FARS2: variants seen among roughly 807,000 people sequenced by gnomAD.
FARS2 encodes phenylalanine--tRNA ligase, mitochondrial.
A neutral mutation model predicts 46.4 loss-of-function variants in FARS2; 40 were observed. The ratio of observed to expected loss-of-function variants is 0.86; its 90% CI spans 0.67 to 1.12. The LOEUF (loss-of-function observed/expected upper bound fraction) is 1.12. Ranked by LOEUF, FARS2 falls within the 50% of genes most tolerant of loss-of-function variation. The probability of loss-of-function intolerance (pLI) is 0.00; values close to 1 mark genes in which losing one functional copy is unlikely to be tolerated. For missense variants in FARS2, 513 were observed against 567.9 expected (o/e 0.90, Z 0.98); for synonymous variants, 234 against 214.9 (o/e 1.09, Z -0.78).
chr6:5,423,591 C>T (rs926912271), intron 3 of FARS2, among the ~76,000 whole-genome samples: 2 of 152,044 alleles, frequency 1.3e-5, no homozygotes, highest in Non-Finnish European at 2.9e-5. Flanking sequence ...TTGTGTTTGT[C>T]TTAGCAGGAG....
chr6:5,589,316 C>A (rs1279056602), intron 5 of FARS2, among the ~76,000 whole-genome samples: 1 of 152,196 alleles, frequency 6.6e-6, no homozygotes, highest in African/African-American at 2.4e-5. Flanking sequence ...TAACAGAAAG[C>A]CCCAAGACAG....
intron 6 of FARS2, among the ~76,000 whole-genome samples, chr6:5,623,188 C>T (rs1311296368): frequency 6.6e-6 from 1 of 151,896 alleles, no homozygotes; most frequent in Non-Finnish European, 1.5e-5. Flanking sequence ...AGACAGTTTC[C>T]AAAAAACGAG....
At chr6:5,692,842 A>T (rs575479322) in intron 6 of FARS2, among the ~76,000 whole-genome samples, 1 of 152,320 alleles carries the variant, frequency 6.6e-6, no homozygotes, top group Non-Finnish European at 1.5e-5. Context: ...GGTGTCAGAA[A>T]GGCCAAATCA....
intron 6 of FARS2, among the ~76,000 whole-genome samples, chr6:5,687,427 T>C (rs1466891881): frequency 2.6e-5 from 4 of 152,188 alleles, no homozygotes; most frequent in Non-Finnish European, 5.9e-5. Context: ...GGCTAGCCAG[T>C]TTTCCCAGCA....
chr6:5,709,474 T>C (rs943866054), intron 6 of FARS2, among the ~76,000 whole-genome samples: 1 of 152,202 alleles, frequency 6.6e-6, no homozygotes, highest in Non-Finnish European at 1.5e-5. Flanking sequence ...AGTGAGCTGC[T>C]TGAAGAAAAT....
At position 5,407,066 on chromosome 6, in the gene FARS2, T is replaced by TATAA. The variant is rs70975905; in HGVS notation, c.772+2366_772+2367insTAAA. On this transcript the variant is annotated intron_variant, in intron 3 of 6. Coordinates refer to ENST00000274680, the MANE Select transcript of FARS2 (RefSeq NM_006567.5). ...AATTATATATATATATATATATATA[T>TATAA]AATGACCAATAAATATATGAAAAGA... Among the ~76,000 whole-genome samples, 40 of 109,518 alleles carry TATAA rather than the reference T, an allele frequency of 3.7e-4. 4 individuals carry two copies. In the East Asian group the frequency reaches 4.2e-3, roughly 11 times the overall value. The allele number at this position is 109,518 out of a possible 152,430, so 71.8% of individuals were successfully genotyped here. A position where few individuals can be genotyped will look rare whatever the true frequency, so the allele number is the denominator to read the frequency against.
intron 2 of FARS2, among the ~76,000 whole-genome samples, chr6:5,392,454 A>G (rs924198381): frequency 6.6e-6 from 1 of 152,208 alleles, no homozygotes; most frequent in African/African-American, 2.4e-5. Context: ...AAATAGCCTT[A>G]AAGTGACTGA....
chr6:5,411,378 T>C (rs543726620), intron 3 of FARS2, among the ~76,000 whole-genome samples: 44 of 152,338 alleles, frequency 2.9e-4, no homozygotes, highest in Admixed American at 2.1e-3. Context: ...TCTCTTCCCA[T>C]TCAGTGCCTC....
intron 1 of FARS2, among the ~76,000 whole-genome samples, chr6:5,322,511 A>G (rs1334532238): frequency 2.6e-5 from 4 of 152,230 alleles, no homozygotes; most frequent in African/African-American, 9.6e-5. Flanking sequence ...TGAATTTACA[A>G]TTAAATGCAT....
chr6:5,339,389 G>GT (rs1771392511), intron 1 of FARS2, among the ~76,000 whole-genome samples: 1 of 151,410 alleles, frequency 6.6e-6, no homozygotes, highest in Admixed American at 6.6e-5. Context: ...CAAATTTTTT[G>GT]TTTATCGTGC....
the FARS2 span, among the ~76,000 whole-genome samples, chr6:5,251,074 T>C: frequency 3.3e-5 from 5 of 152,350 alleles, no homozygotes; most frequent in Non-Finnish European, 5.9e-5. Flanking sequence ...GCCGTCCTTA[T>C]ATGTACATTG....
chr6:5,391,821 A>G (rs902711423), intron 2 of FARS2, among the ~76,000 whole-genome samples: 3 of 152,184 alleles, frequency 2.0e-5, no homozygotes, highest in South Asian at 2.1e-4. Flanking sequence ...GGCTTTTGCA[A>G]TCTACTTTTA....
chr6:5,555,371 G>A (rs549742159), intron 5 of FARS2, among the ~76,000 whole-genome samples: 32 of 152,194 alleles, frequency 2.1e-4, no homozygotes, highest in African/African-American at 7.5e-4. Flanking sequence ...GGTGAATGTC[G>A]AATTTCACTG....
chr6:5,344,878 C>G (rs1757128865), intron 1 of FARS2, among the ~76,000 whole-genome samples: 1 of 151,844 alleles, frequency 6.6e-6, no homozygotes, highest in Non-Finnish European at 1.5e-5. Flanking sequence ...CAGCCTCCAC[C>G]TCCTGGGTTC....
At position 5,266,779 on chromosome 6, in the gene FARS2, A is replaced by G. The variant is rs181160046; in HGVS notation, c.-22+5119A>G. 1.5e-3 allele frequency among the ~76,000 whole-genome samples: 221 copies of G among 152,338 alleles called. 1 individual carries two copies. Among genetic ancestry groups the G allele is most frequent in the Non-Finnish European group, 1.6e-3 (110 of 68,034 alleles). ...CCGGTTTGTATTGGAAATATTATAA[A>G]TATTCTGGGAATCTCAAATGTTGAT... On this transcript the variant is annotated intron_variant, in intron 1 of 6. Transcript: ENST00000274680.
At chr6:5,336,025 C>T (rs1771133646) in intron 1 of FARS2, among the ~76,000 whole-genome samples, 1 of 152,162 alleles carries the variant, frequency 6.6e-6, no homozygotes, top group Admixed American at 6.5e-5. Context: ...CACTGTCTTT[C>T]TAGTGCAGAC....
At chr6:5,595,895 C>T (rs1442029006) in intron 5 of FARS2, among the ~76,000 whole-genome samples, 3 of 152,136 alleles carry the variant, frequency 2.0e-5, no homozygotes, top group Non-Finnish European at 4.4e-5. Flanking sequence ...AGTAGCAGAG[C>T]TGAGTTGTAG....
rs537756667 is a variant in FARS2, at chr6:5,723,089, G to A, written c.1218-48202G>A. ...GGACAAAAGTCCTCATCCGAGTTCC[G>A]GTTCTGGGGGTGAGTGGGGTTTTGT... On this transcript the variant is annotated intron_variant, in intron 6 of 6. Coordinates refer to ENST00000274680, the MANE Select transcript of FARS2 (RefSeq NM_006567.5). Among the ~76,000 whole-genome samples the A allele has an allele frequency of 1.0e-3, 156 of 152,192 alleles. 6 individuals are homozygous for A. In the South Asian group the frequency reaches 0.03, roughly 29 times the overall value.
chr6:5,640,410 C>T (rs1423073939), intron 6 of FARS2, among the ~76,000 whole-genome samples: 1 of 152,156 alleles, frequency 6.6e-6, no homozygotes, highest in East Asian at 1.9e-4. Flanking sequence ...GCTAAATCTG[C>T]GAGTTGGCCA....
Sources: gnomAD v4.1 joint callset for allele counts (sites outside exome capture counted in the v4.1 genomes callset) on GRCh38, gnomAD v4.1.1 for gene constraint, MANE v1.5 for transcripts, NCBI Gene and HGNC (gene_info 2026-07-23, HGNC 2026-07-21) for gene names.